DOCK1: variants seen among roughly 807,000 people sequenced by gnomAD.
The protein encoded by DOCK1 is dedicator of cytokinesis 1.
DOCK1 carries 138 observed loss-of-function variants against 262.7 expected under a neutral mutation model. The ratio of observed to expected loss-of-function variants is 0.53; its 90% CI spans 0.46 to 0.61. The LOEUF (loss-of-function observed/expected upper bound fraction) is 0.61. Among genes scored for constraint, DOCK1 ranks in the 20% least tolerant of loss-of-function variants. DOCK1 has a pLI of 0.00. For synonymous variants in DOCK1, 866 were observed against 867.4 expected (o/e 1.00, Z 0.03); for missense variants, 1,908 against 2,370.7 (o/e 0.80, Z 4.05).
intron 27 of DOCK1, among the ~76,000 whole-genome samples, chr10:127,166,184 GC>G (rs1426331887): frequency 6.6e-6 from 1 of 152,074 alleles, no homozygotes; most frequent in African/African-American, 2.4e-5. Context: ...TCCTGCCTCA[GC>G]CCCCCAAGTA....
At chr10:126,909,966 T>TG (rs1172464728) in intron 1 of DOCK1, among the ~76,000 whole-genome samples, 1 of 152,234 alleles carries the variant, frequency 6.6e-6, no homozygotes, top group East Asian at 1.9e-4. Context: ...ATTTGCTCAG[T>TG]GTGAGGAGCC....
At chr10:127,418,945 C>T (rs2068329570) in intron 45 of DOCK1, among the ~76,000 whole-genome samples, 1 of 152,228 alleles carries the variant, frequency 6.6e-6, no homozygotes, top group South Asian at 2.1e-4. Flanking sequence ...CTCCCTGGAT[C>T]CTAGCTCTGT....
intron 29 of DOCK1, among the ~76,000 whole-genome samples, chr10:127,259,013 TC>T (rs2059921781): frequency 6.6e-6 from 1 of 151,846 alleles, no homozygotes; most frequent in African/African-American, 2.4e-5. Flanking sequence ...GCTGCGGGAG[TC>T]CTACAAACCT....
At chr10:127,216,513 T>C (rs1481326939) in intron 27 of DOCK1, among the ~76,000 whole-genome samples, 1 of 152,150 alleles carries the variant, frequency 6.6e-6, no homozygotes. Context: ...AAGAGTGTTC[T>C]TGATGCGTGT....
chr10:127,404,241 CT>C, intron 39 of DOCK1, 83 bp from the exon 40 acceptor site: 1 of 1,213,912 alleles, frequency 8.2e-7, no homozygotes, highest in South Asian at 1.4e-5. Flanking sequence ...GTTGCCAGAG[CT>C]TTTAAAGAGC....
chr10:126,936,479 T>C (rs1405126726), intron 1 of DOCK1, among the ~76,000 whole-genome samples: 2 of 152,222 alleles, frequency 1.3e-5, no homozygotes, highest in African/African-American at 4.8e-5. Flanking sequence ...ACTCTATAGT[T>C]TTTGCATGTC....
chr10:127,052,293 G>T lies in DOCK1; in HGVS notation c.2202-388G>T, dbSNP rs151059584. 8.7e-4 allele frequency among the ~76,000 whole-genome samples: 133 copies of T among 152,310 alleles called. 1 individual carries two copies. In the East Asian group the frequency reaches 0.023, roughly 27 times the overall value. ...TGATCCTAACACTTTGGGAGGCCAA[G>T]GGGGGTGGATTGCCTGAGCTCAGGA... On this transcript the variant is annotated intron_variant, in intron 21 of 51. Coordinates refer to ENST00000623213, the MANE Select transcript of DOCK1 (RefSeq NM_001290223.2).
intron 46 of DOCK1, among the ~76,000 whole-genome samples, chr10:127,422,317 C>A (rs1299671556): frequency 6.6e-6 from 1 of 151,630 alleles, no homozygotes; most frequent in Non-Finnish European, 1.5e-5. Context: ...CAGATGTGTG[C>A]CACCACACCT....
At chr10:127,305,240 C>T (rs560622525) in intron 29 of DOCK1, among the ~76,000 whole-genome samples, 17 of 151,994 alleles carry the variant, frequency 1.1e-4, no homozygotes, top group Non-Finnish European at 1.9e-4. Context: ...ATTTGAATTA[C>T]GTAATTATAG....
intron 13 of DOCK1, among the ~76,000 whole-genome samples, chr10:127,021,627 G>C (rs1057527): frequency 0.18 from 26,653 of 152,166 alleles, 2,505 homozygotes; most frequent in South Asian, 0.34. Context: ...AACAAGTCTT[G>C]GTTGGGTGGC....
At chr10:127,426,629 G>A (rs560359433) in intron 47 of DOCK1, among the ~76,000 whole-genome samples, 2 of 152,226 alleles carry the variant, frequency 1.3e-5, no homozygotes, top group Non-Finnish European at 2.9e-5. Context: ...AACAGAGGCT[G>A]AGAGGCAGGA....
intron 13 of DOCK1, among the ~76,000 whole-genome samples, chr10:127,020,234 T>C (rs1428570246): frequency 6.6e-6 from 1 of 152,184 alleles, no homozygotes; most frequent in Non-Finnish European, 1.5e-5. Context: ...TTTGTATACT[T>C]ATTATTTGTA....
intron 13 of DOCK1, chr10:127,019,044 G>A (rs1236030105): frequency 4.4e-6 from 3 of 683,248 alleles, no homozygotes; most frequent in Non-Finnish European, 7.0e-6. Flanking sequence ...ACCCCTGGAT[G>A]GATCAGCTCT....
intron 13 of DOCK1, among the ~76,000 whole-genome samples, chr10:127,021,968 C>T (rs2042458887): frequency 6.6e-6 from 1 of 152,024 alleles, no homozygotes. Flanking sequence ...AGCGGGTGGT[C>T]AGGGCGTGGG....
intron 27 of DOCK1, among the ~76,000 whole-genome samples, chr10:127,160,937 T>C (rs2053543751): frequency 6.6e-6 from 1 of 152,216 alleles, no homozygotes; most frequent in Non-Finnish European, 1.5e-5. Context: ...TTGAAGGGCT[T>C]TTTCACTTAA....
chr10:126,946,626 A>G (rs1195014859), intron 1 of DOCK1, among the ~76,000 whole-genome samples: 1 of 152,272 alleles, frequency 6.6e-6, no homozygotes, highest in South Asian at 2.1e-4. Context: ...CTGTCTCTGA[A>G]TTTGACTACT....
At chr10:127,020,145 C>G (rs955418424) in intron 13 of DOCK1, among the ~76,000 whole-genome samples, 6 of 152,116 alleles carry the variant, frequency 3.9e-5, no homozygotes, top group Non-Finnish European at 8.8e-5. Context: ...GACGTTTAGT[C>G]AATTCTGAAG....
intron 29 of DOCK1, among the ~76,000 whole-genome samples, chr10:127,294,694 G>A (rs1054455240): frequency 7.1e-6 from 1 of 140,788 alleles, no homozygotes; most frequent in African/African-American, 2.7e-5. Context: ...TATCACCCAG[G>A]CTGGAGTGCA....
intron 29 of DOCK1, among the ~76,000 whole-genome samples, chr10:127,295,978 T>A (rs914739707): frequency 6.6e-6 from 1 of 152,180 alleles, no homozygotes; most frequent in African/African-American, 2.4e-5. Context: ...AGGGGCCTAT[T>A]AGGGGAGACA....
Sources: allele counts gnomAD v4.1 joint callset (sites outside exome capture counted in the v4.1 genomes callset), GRCh38; gene constraint gnomAD v4.1.1; transcripts MANE v1.5; gene names NCBI Gene and HGNC (gene_info 2026-07-23, HGNC 2026-07-21).